ADK: variants seen among roughly 807,000 people sequenced by gnomAD.
ADK encodes the protein adenosine kinase, also known as N6,N6-dimethyladenosine kinase.
A neutral mutation model predicts 44.7 loss-of-function variants in ADK; 24 were observed. The observed-to-expected ratio is 0.54, with a 90% CI of 0.39 to 0.76. The LOEUF (loss-of-function observed/expected upper bound fraction) is 0.76, where lower values mean the gene tolerates loss of function less well. Ranked by LOEUF, ADK falls within the 30% of genes least tolerant of loss-of-function variation. The pLI, the probability that ADK is intolerant of heterozygous loss-of-function variation, is 0.00. For missense variants in ADK, 321 were observed against 425.1 expected, an observed-to-expected ratio of 0.76 and a Z score of 2.15; for synonymous variants, 128 against 142.6, an observed-to-expected ratio of 0.90 and a Z score of 0.73.
chr10:74,447,047 G>A (rs190921614), intron 6 of ADK, among the ~76,000 whole-genome samples: 2 of 152,202 alleles, frequency 1.3e-5, no homozygotes, highest in African/African-American at 4.8e-5. Context: ...CGTAGAGCAG[G>A]TACTATAGGA....
intron 3 of ADK, among the ~76,000 whole-genome samples, chr10:74,262,727 T>C (rs948873021): frequency 6.6e-6 from 1 of 152,222 alleles, no homozygotes; most frequent in African/African-American, 2.4e-5. Flanking sequence ...GTACTTGCTG[T>C]CATGGGATTT....
intron 6 of ADK, among the ~76,000 whole-genome samples, chr10:74,499,930 T>C (rs1589176931): frequency 6.6e-6 from 1 of 152,168 alleles, no homozygotes; most frequent in South Asian, 2.1e-4. Context: ...AGTGAGCAGG[T>C]AGATAAGTCA....
Position 74,675,887 on chromosome 10 carries a change from C to G in ADK, c.964+5618C>G, listed in dbSNP as rs577070955. On this transcript the variant is annotated intron_variant, in intron 10 of 10. Coordinates refer to ENST00000539909, the MANE Select transcript of ADK (RefSeq NM_006721.4). The stretch of plus-strand genomic sequence containing the variant: ...CTGTGTTAATCTAATATGATTTAGT[C>G]ATATGTTTTATGGCAGCTGTGGGAA... 3.9e-5 allele frequency among the ~76,000 whole-genome samples: 6 copies of G among 152,096 alleles called. No homozygotes were observed. In the South Asian group the frequency reaches 1.0e-3, roughly 26 times the overall value.
At position 74,172,137 on chromosome 10, in the gene ADK, C is replaced by CTTT. The variant is rs3998223; in HGVS notation, c.65+20811_65+20813dup. Reference sequence around the variant, plus strand: ...TCATTTCCTACAGTACATGGATTTTCTTTTTTTTTTTTTTTTTTTAAGACA... The same window carrying CTTT: ...TCATTTCCTACAGTACATGGATTTTCTTTTTTTTTTTTTTTTTTTTTTAAGACA... On this transcript the variant is annotated intron_variant, in intron 1 of 10. Coordinates refer to ENST00000539909, the MANE Select transcript of ADK (RefSeq NM_006721.4). Among the ~76,000 whole-genome samples, 174 of 122,664 alleles carry CTTT rather than the reference C, an allele frequency of 1.4e-3. 1 individual carries two copies. The highest frequency in any genetic ancestry group is 3.0e-3 in the African/African-American group (96 of 31,906). The allele number at this position is 122,664 out of a possible 152,430, so 80.5% of individuals were successfully genotyped here.
At chr10:74,457,963 C>G (rs887772123) in intron 6 of ADK, among the ~76,000 whole-genome samples, 7 of 151,904 alleles carry the variant, frequency 4.6e-5, no homozygotes, top group African/African-American at 1.7e-4. Context: ...ATGTGTATAC[C>G]TATGTAACAA....
intron 10 of ADK, among the ~76,000 whole-genome samples, chr10:74,698,818 C>A (rs1856301453): frequency 6.6e-6 from 1 of 152,008 alleles, no homozygotes; most frequent in Non-Finnish European, 1.5e-5. Context: ...CTCAGCCTCC[C>A]TAAGTACTGG....
intron 6 of ADK, among the ~76,000 whole-genome samples, chr10:74,472,132 G>A (rs1846614030): frequency 6.6e-6 from 1 of 152,114 alleles, no homozygotes; most frequent in South Asian, 2.1e-4. Context: ...GAGTTCAGGA[G>A]TTCAAGGTTA....
At chr10:74,263,812 T>G (rs1162485082) in intron 3 of ADK, among the ~76,000 whole-genome samples, 1 of 152,238 alleles carries the variant, frequency 6.6e-6, no homozygotes, top group African/African-American at 2.4e-5. Flanking sequence ...ATTGAATTTT[T>G]AGATTTTTCC....
At chr10:74,345,133 A>T (rs775135630) in intron 4 of ADK, among the ~76,000 whole-genome samples, 16 of 152,168 alleles carry the variant, frequency 1.1e-4, no homozygotes, top group Admixed American at 2.0e-4. Flanking sequence ...ATCTCTTGTT[A>T]TATAGGTCTG....
chr10:74,411,915 G>A (rs1271498547), intron 6 of ADK, among the ~76,000 whole-genome samples: 1 of 152,208 alleles, frequency 6.6e-6, no homozygotes, highest in African/African-American at 2.4e-5. Context: ...GTGTTCACCA[G>A]GAGTAGATTC....
chr10:74,313,359 G>C (rs1257083447), intron 3 of ADK, among the ~76,000 whole-genome samples: 1 of 151,714 alleles, frequency 6.6e-6, no homozygotes, highest in Non-Finnish European at 1.5e-5. Context: ...CATCTCCTTA[G>C]TAATTTTTTC....
intron 3 of ADK, among the ~76,000 whole-genome samples, chr10:74,256,887 A>G (rs1845843613): frequency 6.6e-6 from 1 of 152,250 alleles, no homozygotes; most frequent in African/African-American, 2.4e-5. Context: ...AGACATTTAT[A>G]GAAAATTTTT....
chr10:74,362,495 C>T (rs1407382797), intron 4 of ADK, among the ~76,000 whole-genome samples: 7 of 151,952 alleles, frequency 4.6e-5, no homozygotes, highest in Non-Finnish European at 1.0e-4. Flanking sequence ...TGTCTTCAAA[C>T]AGGTATTTTG....
intron 4 of ADK, among the ~76,000 whole-genome samples, chr10:74,315,406 A>G (rs900430752): frequency 1.3e-5 from 2 of 152,252 alleles, no homozygotes; most frequent in East Asian, 3.9e-4. Context: ...CTATTCCCAT[A>G]TCTTCCAATG....
At chr10:74,534,213 AC>A (rs1241541909) in intron 7 of ADK, among the ~76,000 whole-genome samples, 1 of 152,168 alleles carries the variant, frequency 6.6e-6, no homozygotes, top group African/African-American at 2.4e-5. Flanking sequence ...CTTTATACAT[AC>A]GTCAAGTTTT....
At chr10:74,223,453 G>C (rs1844402758) in intron 2 of ADK, among the ~76,000 whole-genome samples, 2 of 152,176 alleles carry the variant, frequency 1.3e-5, no homozygotes, top group Admixed American at 6.5e-5. Flanking sequence ...ATAGCAGTGG[G>C]TTTAAAGGTA....
intron 6 of ADK, among the ~76,000 whole-genome samples, chr10:74,446,487 G>A (rs1845590868): frequency 6.6e-6 from 1 of 152,126 alleles, no homozygotes; most frequent in Non-Finnish European, 1.5e-5. Flanking sequence ...ATAGGATGGG[G>A]TCAGAAGAAC....
In ADK at chr10:74,349,612, G is replaced by A. The variant is rs530140558; in HGVS notation, c.273+34867G>A. Among the ~76,000 whole-genome samples, 7 of 152,036 alleles carry A rather than the reference G, an allele frequency of 4.6e-5. No individual in the cohort carries two copies. In the East Asian group the frequency reaches 7.7e-4, roughly 17 times the overall value. ...CCTAAATGCCCCAATTAAAAGACAC[G>A]GACTGGCAAATTGGATGAAGAGTCA... On this transcript the variant is annotated intron_variant, in intron 4 of 10. Transcript: ENST00000539909.
At chr10:74,632,763 A>G (rs1853487577) in intron 9 of ADK, among the ~76,000 whole-genome samples, 1 of 152,176 alleles carries the variant, frequency 6.6e-6, no homozygotes, top group African/African-American at 2.4e-5. Flanking sequence ...GGGCAACACT[A>G]TTTAGCTTTC....
Sources: allele counts gnomAD v4.1 joint callset (sites outside exome capture counted in the v4.1 genomes callset), GRCh38; gene constraint gnomAD v4.1.1; transcripts MANE v1.5; gene names NCBI Gene and HGNC (gene_info 2026-07-23, HGNC 2026-07-21).